The following ARHGAP32 variants were observed in gnomAD, a reference collection of about 807,000 sequenced individuals.
ARHGAP32 encodes rho GTPase-activating protein 32.
In ARHGAP32, 51 loss-of-function variants were observed where a neutral mutation model predicts 186.5. That is an observed-to-expected ratio of 0.27 (90% CI 0.22 to 0.35). The LOEUF (loss-of-function observed/expected upper bound fraction) is 0.35. Among genes scored for constraint, ARHGAP32 ranks in the 10% least tolerant of loss-of-function variants. The pLI is 1.00. For missense variants in ARHGAP32, 2,186 were observed against 2,623.5 expected (o/e 0.83, Z 3.64); for synonymous variants, 950 against 964.3 (o/e 0.99, Z 0.27).
intron 8 of ARHGAP32, 37 bp from the exon 9 acceptor site, chr11:129,064,061 T>G: frequency 6.5e-7 from 1 of 1,549,378 alleles, no homozygotes; most frequent in South Asian, 1.2e-5. Flanking sequence ...ATAAAGACAC[T>G]GGACTTGCAA....
rs1210510537 is a variant in ARHGAP32 at position 128,972,566 on chromosome 11, G to A, written c.3940C>T (p.His1314Tyr). 1 of 1,594,640 alleles carries A rather than the reference G, an allele frequency of 6.3e-7. No homozygotes were observed. Among genetic ancestry groups the A allele is most frequent in the East Asian group, 2.2e-5 (1 of 44,700 alleles). ...DFAAATLQRT[H>Y]RTNRPLPPPP... ...GGGGGAAGGGGACGATTAGTTCTGT[G>A]CGTGCGCTGAAGTGTGGCAGCAGCA... is the stretch of plus-strand genomic sequence containing the variant. The change falls in exon 22 of 23, where the codon CAC (histidine) becomes TAC (tyrosine). Residue 1314 changes from histidine (H) to tyrosine (Y), a missense_variant. His to Tyr is a moderately conservative substitution (Grantham distance 83, BLOSUM62 2). Coordinates refer to ENST00000682385, the MANE Select transcript of ARHGAP32 (RefSeq NM_001378024.1).
At chr11:129,018,817 G>A (rs1938473188) in intron 11 of ARHGAP32, among the ~76,000 whole-genome samples, 1 of 152,076 alleles carries the variant, frequency 6.6e-6, no homozygotes, top group South Asian at 2.1e-4. Flanking sequence ...TAAAGGAACT[G>A]AACAAATACT....
chr11:129,217,425 G>A (rs528979765), intron 1 of ARHGAP32, among the ~76,000 whole-genome samples: 6 of 152,154 alleles, frequency 3.9e-5, no homozygotes, highest in Admixed American at 1.3e-4. Context: ...CAAGGGGTAT[G>A]CCTTGCCAAA....
At position 129,087,252 on chromosome 11, in the gene ARHGAP32, A is replaced by C. The variant is rs529423748; in HGVS notation, c.531+6369T>G. ...AATCATGCTCCTTGGTGTTTACCCA[A>C]ATGAACTGAAAACTTATGTCCACAC... On this transcript the variant is annotated intron_variant, in intron 6 of 22. Transcript: ENST00000682385. 3.9e-5 allele frequency among the ~76,000 whole-genome samples: 6 copies of C among 152,370 alleles called. No homozygotes were observed. In the East Asian group the frequency reaches 1.2e-3, roughly 29 times the overall value.
At chr11:129,114,122 C>T (rs1942300267) in intron 5 of ARHGAP32, among the ~76,000 whole-genome samples, 1 of 152,126 alleles carries the variant, frequency 6.6e-6, no homozygotes, top group African/African-American at 2.4e-5. Flanking sequence ...TCTCCATCTC[C>T]ATCACACATT....
chr11:129,229,294 T>C (rs1034710378), intron 1 of ARHGAP32, among the ~76,000 whole-genome samples: 1 of 152,166 alleles, frequency 6.6e-6, no homozygotes, highest in Non-Finnish European at 1.5e-5. Context: ...GGAATTTGTA[T>C]AAACAGATGC....
chr11:129,211,787 A>T (rs1244882456), intron 1 of ARHGAP32, among the ~76,000 whole-genome samples: 1 of 152,246 alleles, frequency 6.6e-6, no homozygotes. Context: ...ATAAAAATTA[A>T]GCCCCAAAAA....
At chr11:129,006,703 C>T (rs1937792853) in intron 11 of ARHGAP32, among the ~76,000 whole-genome samples, 2 of 152,128 alleles carry the variant, frequency 1.3e-5, no homozygotes, top group Admixed American at 6.5e-5. Context: ...CTGGGTCTTG[C>T]CCAAAGCCCA....
intron 6 of ARHGAP32, among the ~76,000 whole-genome samples, chr11:129,092,653 A>G (rs1591607357): frequency 6.6e-6 from 1 of 152,014 alleles, no homozygotes; most frequent in South Asian, 2.1e-4. Context: ...ATACTCTGAC[A>G]CCTAAAAAGA....
intron 3 of ARHGAP32, among the ~76,000 whole-genome samples, chr11:129,124,144 G>C (rs1942601505): frequency 6.6e-6 from 1 of 152,102 alleles, no homozygotes; most frequent in Non-Finnish European, 1.5e-5. Flanking sequence ...ATATATCTAT[G>C]GGATATCTTG....
At chr11:129,198,533 G>C (rs1292438436) in intron 1 of ARHGAP32, among the ~76,000 whole-genome samples, 1 of 152,134 alleles carries the variant, frequency 6.6e-6, no homozygotes, top group Non-Finnish European at 1.5e-5. Flanking sequence ...GGTTTTATAA[G>C]GGGCACCCCT....
intron 15 of ARHGAP32, among the ~76,000 whole-genome samples, chr11:128,984,273 G>A (rs144996699): frequency 0.11 from 16,935 of 152,004 alleles, 1,210 homozygotes; most frequent in Non-Finnish European, 0.15. Flanking sequence ...TACTTGGGGG[G>A]CTGAGGTGGG....
chr11:129,260,704 CCTA>C (rs1475922174), intron 1 of ARHGAP32, among the ~76,000 whole-genome samples: 1 of 152,058 alleles, frequency 6.6e-6, no homozygotes, highest in Non-Finnish European at 1.5e-5. Context: ...AAAATAAATT[CCTA>C]CTACTTTCTT....
intron 1 of ARHGAP32, among the ~76,000 whole-genome samples, chr11:129,207,348 C>G (rs1049741290): frequency 6.6e-6 from 1 of 152,184 alleles, no homozygotes; most frequent in Admixed American, 6.6e-5. Flanking sequence ...AAATTATACT[C>G]CCACCAACAG....
intron 5 of ARHGAP32, among the ~76,000 whole-genome samples, chr11:129,102,254 AATAAGCAGACCAATGATACT>A (rs1442168301): frequency 6.6e-6 from 1 of 152,222 alleles, no homozygotes; most frequent in African/African-American, 2.4e-5. Context: ...AACACACTGA[AATAAGCAGACCAATGATACT>A]ATAAAGCAAC....
intron 1 of ARHGAP32, among the ~76,000 whole-genome samples, chr11:129,165,668 A>T (rs147940393): frequency 1.7e-4 from 26 of 151,266 alleles, no homozygotes; most frequent in African/African-American, 5.3e-4. Flanking sequence ...TCTTAGCATT[A>T]TCAGAAAGAG....
chr11:129,121,491 G>T (rs1001843350), intron 5 of ARHGAP32, among the ~76,000 whole-genome samples: 1 of 152,132 alleles, frequency 6.6e-6, no homozygotes, highest in East Asian at 1.9e-4. Flanking sequence ...GCCAAGTAGA[G>T]GACCATAAAC....
chr11:129,157,663 A>G (rs1427037011), intron 2 of ARHGAP32, among the ~76,000 whole-genome samples: 2 of 152,174 alleles, frequency 1.3e-5, no homozygotes, highest in East Asian at 3.9e-4. Flanking sequence ...TCTTCAAGAT[A>G]TTATCCAGGA....
rs938355338 is a variant in ARHGAP32 at position 129,110,261 on chromosome 11, G to T, written c.444+13185C>A. ...AAAAAAATTTGGCTGTAAACACATG[G>T]ATTTCTTTCTGGGTTTTGTATTCTG... On this transcript the variant is annotated intron_variant, in intron 5 of 22. Coordinates refer to ENST00000682385, the MANE Select transcript of ARHGAP32 (RefSeq NM_001378024.1). 5.9e-5 allele frequency among the ~76,000 whole-genome samples: 9 copies of T among 152,006 alleles called. 1 individual carries two copies. The highest frequency in any genetic ancestry group is 5.9e-4 in the Admixed American group (9 of 15,258).
Sources: allele counts gnomAD v4.1 joint callset (sites outside exome capture counted in the v4.1 genomes callset), GRCh38; gene constraint gnomAD v4.1.1; transcripts MANE v1.5; gene names NCBI Gene and HGNC (gene_info 2026-07-23, HGNC 2026-07-21).